URB2: variants seen among roughly 807,000 people sequenced by gnomAD.
The protein encoded by URB2 is URB2 ribosome biogenesis homolog, also known as unhealthy ribosome biogenesis protein 2 homolog.
Under a neutral mutation model 120.9 loss-of-function variants are expected in URB2, and 86 were observed. That is an observed-to-expected ratio of 0.71 (90% CI 0.60 to 0.85). URB2 has a LOEUF of 0.85. Among genes scored for constraint, URB2 ranks in the 40% least tolerant of loss-of-function variants. URB2 has a pLI of 0.00. For synonymous variants in URB2, 755 were observed against 758.4 expected, an observed-to-expected ratio of 1.00 and a Z score of 0.07; for missense variants, 1,765 against 1,836.5, an observed-to-expected ratio of 0.96 and a Z score of 0.71.
At position 229,636,804 on chromosome 1, in the gene URB2, A is replaced by G; in HGVS notation, c.2191A>G (p.Ser731Gly). The G allele has an allele frequency of 6.2e-7, 1 of 1,612,690 alleles. No individual in the cohort carries two copies. Among genetic ancestry groups the G allele is most frequent in the Non-Finnish European group, 8.5e-7 (1 of 1,178,916 alleles). ...CTGGGATGGCCAAGTTGGGATGGTG[A>G]GTGGACTCACATACCCTGTAGCACA... The part of the protein sequence containing the change: ...ASWDGQVGMV[S>G]GLTYPVAHWH... The change falls in exon 4 of 10, where the codon AGT becomes GGT. Residue 731 changes from serine to glycine, a missense_variant. Coordinates refer to ENST00000258243, the MANE Select transcript of URB2 (RefSeq NM_014777.4).
intron 7 of URB2, among the ~76,000 whole-genome samples, chr1:229,649,885 C>A (rs1666227506): frequency 6.6e-6 from 1 of 152,124 alleles, no homozygotes; most frequent in African/African-American, 2.4e-5. Flanking sequence ...ATGATTTGTT[C>A]AAGATCATAA....
In URB2 at chr1:229,647,760, G is replaced by C; in HGVS notation, c.4149+8G>C. On this transcript the variant is annotated splice_region_variant and intron_variant, in intron 7 of 9. Coordinates refer to ENST00000258243, the MANE Select transcript of URB2 (RefSeq NM_014777.4). ...CTGCAGTGTCACCCTAAGGTGAGAA[G>C]GAGGGTGAGAGTGGCAGGCAGCTTT... The C allele has an allele frequency of 1.2e-6, 2 of 1,609,148 alleles. No individual in the cohort carries two copies. Among genetic ancestry groups the C allele is most frequent in the Non-Finnish European group, 1.7e-6 (2 of 1,176,168 alleles).
chr1:229,641,009 CTT>C (rs769502292), intron 4 of URB2, among the ~76,000 whole-genome samples: 11 of 115,272 alleles, frequency 9.5e-5, no homozygotes, highest in African/African-American at 1.7e-4. Context: ...GAGGCAATCT[CTT>C]TTTTTTTTTT....
Position 229,654,305 on chromosome 1 carries a change from T to C in URB2, c.4294T>C (p.Tyr1432His). The C allele has an allele frequency of 6.2e-7, 1 of 1,614,220 alleles. No individual in the cohort carries two copies. The highest frequency in any genetic ancestry group is 8.5e-7 in the Non-Finnish European group (1 of 1,180,036). The change falls in exon 9 of 10, where the codon TAC (tyrosine) becomes CAC (histidine). Residue 1432 changes from tyrosine to histidine, a missense_variant. Physicochemically the swap from Tyr to His is moderately conservative, Grantham distance 83. Coordinates refer to ENST00000258243, the MANE Select transcript of URB2 (RefSeq NM_014777.4). ...GTGTGCACGCCTGGTTGAAAGAATG[T>C]ACAGCCACATCGCCGCACGAGCTGA... ...LKCARLVERM[Y>H]SHIAARAEEF...
chr1:229,655,060 A>G (rs1165821604), intron 9 of URB2, among the ~76,000 whole-genome samples: 4 of 152,218 alleles, frequency 2.6e-5, no homozygotes, highest in Non-Finnish European at 4.4e-5. Flanking sequence ...GAGTTCATGT[A>G]TCTTTACTCT....
intron 9 of URB2, among the ~76,000 whole-genome samples, chr1:229,656,570 G>A (rs1265746111): frequency 1.3e-5 from 2 of 152,230 alleles, no homozygotes; most frequent in African/African-American, 2.4e-5. Context: ...TCTACTGAGA[G>A]AGCCATAAAT....
At chr1:229,642,998 C>A (rs758790575) in intron 4 of URB2, among the ~76,000 whole-genome samples, 5 of 152,114 alleles carry the variant, frequency 3.3e-5, no homozygotes, top group Non-Finnish European at 5.9e-5. Flanking sequence ...TATATTCTTA[C>A]AATCAAGTAA....
chr1:229,629,477 C>A (rs1489290112), intron 2 of URB2, among the ~76,000 whole-genome samples: 1 of 152,176 alleles, frequency 6.6e-6, no homozygotes, highest in African/African-American at 2.4e-5. Flanking sequence ...TTGTGAGTCA[C>A]AGAAATTTTT....
intron 2 of URB2, among the ~76,000 whole-genome samples, chr1:229,630,383 G>A (rs372759308): frequency 1.3e-5 from 2 of 152,100 alleles, no homozygotes; most frequent in South Asian, 2.1e-4. Context: ...CATCTCCATC[G>A]GAGCTCTTGG....
At chr1:229,658,345 C>T (rs114194618) in intron 9 of URB2, among the ~76,000 whole-genome samples, 1 of 152,304 alleles carries the variant, frequency 6.6e-6, no homozygotes, top group Non-Finnish European at 1.5e-5. Flanking sequence ...CAGGTTGGAG[C>T]TGGCTGCCAC....
At position 229,636,102 on chromosome 1, in the gene URB2, G is replaced by C. The variant is rs115607184; in HGVS notation, c.1489G>C (p.Val497Leu). The C allele has an allele frequency of 6.2e-7, 1 of 1,614,246 alleles. No homozygotes were observed. The highest frequency in any genetic ancestry group is 1.3e-5 in the African/African-American group (1 of 75,068). Residue 497 changes from valine (V) to leucine (L), a missense_variant, in exon 4 of 10, where the codon GTA (valine) becomes CTA (leucine). Coordinates refer to ENST00000258243, the MANE Select transcript of URB2 (RefSeq NM_014777.4). ...TGTGCTGGCCTCGGGCCCCTCCACG[G>C]TACTCTCTGCATGCCTCCTGGAGCT... ...QPVLASGPST[V>L]LSACLLELPP... is the part of the protein sequence containing the mutation.
chr1:229,632,454 C>G lies in URB2; in HGVS notation c.303+9C>G. 6.5e-7 allele frequency: 1 copy of G among 1,541,114 alleles called. No individual in the cohort carries two copies. Among genetic ancestry groups the G allele is most frequent in the South Asian group, 1.3e-5 (1 of 75,818 alleles). On this transcript the variant is annotated intron_variant, in intron 3 of 9. Coordinates refer to ENST00000258243, the MANE Select transcript of URB2 (RefSeq NM_014777.4). ...AGATTTCCCTAGTCAAGGTAATTCA[C>G]TTTTCTGTTCTGTATGTGTTGCATG...
intron 4 of URB2, among the ~76,000 whole-genome samples, chr1:229,641,851 ATC>A (rs1666018871): frequency 6.6e-6 from 1 of 151,958 alleles, no homozygotes; most frequent in African/African-American, 2.4e-5. Context: ...GCAAAACCCC[ATC>A]TCTACAAAAA....
At chr1:229,651,420 G>GT (rs1187391249) in intron 8 of URB2, 98 bp downstream of exon 8, 1 of 940,820 alleles carries the variant, frequency 1.1e-6, no homozygotes, top group Admixed American at 3.4e-5. Flanking sequence ...ACTCACTTGT[G>GT]TTTAAATAAG....
At chr1:229,633,222 A>G (rs532136902) in intron 3 of URB2, among the ~76,000 whole-genome samples, 18 of 152,194 alleles carry the variant, frequency 1.2e-4, no homozygotes, top group African/African-American at 1.9e-4. Flanking sequence ...GAGCTGCCCA[A>G]TGGCGCATAG....
At chr1:229,633,682 C>T (rs991638614) in intron 3 of URB2, among the ~76,000 whole-genome samples, 1 of 152,160 alleles carries the variant, frequency 6.6e-6, no homozygotes, top group African/African-American at 2.4e-5. Flanking sequence ...TCTCAGATTC[C>T]ATAAGGCTGG....
chr1:229,647,808 A>T, intron 7 of URB2, 56 bp downstream of exon 7: 1 of 1,571,352 alleles, frequency 6.4e-7, no homozygotes, highest in Non-Finnish European at 8.6e-7. Context: ...AGGGTACTTG[A>T]AGTCTGTAGA....
chr1:229,628,028 C>T (rs373220370), intron 2 of URB2, among the ~76,000 whole-genome samples: 12 of 147,506 alleles, frequency 8.1e-5, no homozygotes, highest in Non-Finnish European at 1.6e-4. Flanking sequence ...AGCGGGGGAT[C>T]GCTTGAGGCC....
chr1:229,658,408 G>T (rs566499656), intron 9 of URB2, among the ~76,000 whole-genome samples: 52 of 152,338 alleles, frequency 3.4e-4, no homozygotes, highest in African/African-American at 1.3e-3. Flanking sequence ...GGGGAGAAGT[G>T]CATCTTTAGG....
Sources: allele counts gnomAD v4.1 joint callset (sites outside exome capture counted in the v4.1 genomes callset), GRCh38; gene constraint gnomAD v4.1.1; transcripts MANE v1.5; gene names NCBI Gene and HGNC (gene_info 2026-07-23, HGNC 2026-07-21).